MARCHF1: variants seen among roughly 807,000 people sequenced by gnomAD.
MARCHF1 encodes E3 ubiquitin-protein ligase MARCHF1.
MARCHF1 carries 40 observed loss-of-function variants against 54.2 expected under a neutral mutation model. That is an observed-to-expected ratio of 0.74 (90% confidence interval 0.57 to 0.96). The LOEUF (loss-of-function observed/expected upper bound fraction) is 0.96. Among genes scored for constraint, MARCHF1 ranks in the 40% least tolerant of loss-of-function variants. MARCHF1 has a pLI of 0.00. For synonymous variants in MARCHF1, 236 were observed against 236.3 expected, an observed-to-expected ratio of 1.00 and a Z score of 0.01; for missense variants, 586 against 656.5, an observed-to-expected ratio of 0.89 and a Z score of 1.17.
intron 1 of MARCHF1, chr4:164,190,364 G>A (rs1731092612): frequency 1.7e-6 from 1 of 579,786 alleles, no homozygotes; most frequent in Non-Finnish European, 3.1e-6. Context: ...CTGTAATATT[G>A]TAAATACTGG....
intron 8 of MARCHF1, among the ~76,000 whole-genome samples, chr4:163,565,891 A>G (rs1290538360): frequency 6.6e-6 from 1 of 152,256 alleles, no homozygotes; most frequent in Non-Finnish European, 1.5e-5. Context: ...GCTAGTTATT[A>G]GTTAAATAGA....
At chr4:163,629,334 T>A (rs1489348648) in intron 5 of MARCHF1, among the ~76,000 whole-genome samples, 2 of 152,208 alleles carry the variant, frequency 1.3e-5, no homozygotes, top group Non-Finnish European at 2.9e-5. Flanking sequence ...TAAATGGTAT[T>A]GGGAAAACTG....
chr4:163,858,100 G>C (rs1023422280), intron 3 of MARCHF1, among the ~76,000 whole-genome samples: 1 of 86,104 alleles, frequency 1.2e-5, no homozygotes, highest in Non-Finnish European at 2.4e-5. Context: ...ACTCCGGGGG[G>C]TGGGGGGGGG....
intron 5 of MARCHF1, among the ~76,000 whole-genome samples, chr4:163,669,544 T>C (rs1431567877): frequency 6.6e-6 from 1 of 151,910 alleles, no homozygotes; most frequent in Non-Finnish European, 1.5e-5. Flanking sequence ...TAAATACCTC[T>C]AGGGAAAAGT....
chr4:163,685,071 A>G (rs1744224695), intron 5 of MARCHF1, among the ~76,000 whole-genome samples: 1 of 152,242 alleles, frequency 6.6e-6, no homozygotes, highest in African/African-American at 2.4e-5. Context: ...CATATACAGT[A>G]AGTCCTGCTT....
intron 1 of MARCHF1, among the ~76,000 whole-genome samples, chr4:164,228,315 C>G (rs1255261445): frequency 6.6e-6 from 1 of 152,108 alleles, no homozygotes; most frequent in East Asian, 1.9e-4. Flanking sequence ...TTAAAAATTC[C>G]TAAGTCTATT....
intron 1 of MARCHF1, among the ~76,000 whole-genome samples, chr4:164,139,919 T>A (rs1298649043): frequency 1.3e-5 from 2 of 152,164 alleles, no homozygotes; most frequent in East Asian, 3.9e-4. Context: ...TTCAAATTTC[T>A]GGGAATTGAT....
intron 3 of MARCHF1, among the ~76,000 whole-genome samples, chr4:163,920,687 T>C (rs1254652942): frequency 6.6e-6 from 1 of 152,182 alleles, no homozygotes; most frequent in Non-Finnish European, 1.5e-5. Flanking sequence ...CCCCACAGGA[T>C]GGACTGACAG....
chr4:163,799,002 C>T (rs1210145500), intron 4 of MARCHF1, among the ~76,000 whole-genome samples: 1 of 152,024 alleles, frequency 6.6e-6, no homozygotes, highest in East Asian at 1.9e-4. Context: ...TTTTCATCTT[C>T]ACAATAGCCC....
At chr4:163,836,094 T>G (rs1376228993) in intron 4 of MARCHF1, among the ~76,000 whole-genome samples, 1 of 152,144 alleles carries the variant, frequency 6.6e-6, no homozygotes, top group Non-Finnish European at 1.5e-5. Context: ...AAGTACGTAC[T>G]TCTTTTTATA....
At chr4:163,639,939 C>A (rs1229571450) in intron 5 of MARCHF1, among the ~76,000 whole-genome samples, 1 of 152,044 alleles carries the variant, frequency 6.6e-6, no homozygotes. Context: ...ATGGCATGTT[C>A]TTTGGACTGA....
chr4:163,559,163 TA>T (rs1250669797), intron 8 of MARCHF1, among the ~76,000 whole-genome samples: 1 of 152,198 alleles, frequency 6.6e-6, no homozygotes, highest in Non-Finnish European at 1.5e-5. Context: ...TATTTTTTAT[TA>T]ATTGCATGTT....
intron 5 of MARCHF1, among the ~76,000 whole-genome samples, chr4:163,654,121 T>G (rs1028038756): frequency 3.3e-5 from 5 of 151,614 alleles, no homozygotes; most frequent in Non-Finnish European, 5.9e-5. Context: ...TGGAGAAGGA[T>G]AGAGAGAACC....
chr4:163,654,106 G>A (rs7676172), intron 5 of MARCHF1, among the ~76,000 whole-genome samples: 2,756 of 151,680 alleles, frequency 0.018, 88 homozygotes, highest in African/African-American at 0.063. Flanking sequence ...CAAAGACAAG[G>A]CACTTGGAGA....
chr4:163,667,315 A>G lies in MARCHF1; in HGVS notation c.162+33498T>C, dbSNP rs369768800. 1.6e-4 allele frequency among the ~76,000 whole-genome samples: 25 copies of G among 152,264 alleles called. No individual in the cohort carries two copies. In the East Asian group the frequency reaches 4.8e-3, roughly 29 times the overall value. ...CAAGGCTAGAACCAGATGACCCACC[A>G]ACAAGTGAAAAGCACCACATTTTTA... On this transcript the variant is annotated intron_variant, in intron 5 of 9. Coordinates refer to ENST00000514618, the MANE Select transcript of MARCHF1 (RefSeq NM_001394959.1).
At chr4:164,205,896 G>A (rs1156404422) in intron 1 of MARCHF1, among the ~76,000 whole-genome samples, 1 of 152,142 alleles carries the variant, frequency 6.6e-6, no homozygotes, top group Non-Finnish European at 1.5e-5. Flanking sequence ...ATACGTCACA[G>A]TAATATCTTC....
At chr4:163,903,191 G>T (rs1374707217) in intron 3 of MARCHF1, among the ~76,000 whole-genome samples, 1 of 152,036 alleles carries the variant, frequency 6.6e-6, no homozygotes, top group African/African-American at 2.4e-5. Flanking sequence ...TTTTGTGTGG[G>T]AAGTGTAACT....
chr4:163,651,183 A>T (rs896541144), intron 5 of MARCHF1, among the ~76,000 whole-genome samples: 1 of 152,054 alleles, frequency 6.6e-6, no homozygotes. Flanking sequence ...ATTTGAAACC[A>T]GGTGGAAGTG....
intron 7 of MARCHF1, among the ~76,000 whole-genome samples, chr4:163,599,119 C>T (rs1740864892): frequency 6.6e-6 from 1 of 152,048 alleles, no homozygotes; most frequent in South Asian, 2.1e-4. Flanking sequence ...GAAACCCCGT[C>T]TCTACTACAA....
Sources: gnomAD v4.1 joint callset for allele counts (sites outside exome capture counted in the v4.1 genomes callset) on GRCh38, gnomAD v4.1.1 for gene constraint, MANE v1.5 for transcripts, NCBI Gene and HGNC (gene_info 2026-07-23, HGNC 2026-07-21) for gene names.